The following SH3PXD2A variants were observed in gnomAD, a reference collection of about 807,000 sequenced individuals.
SH3PXD2A encodes the protein SH3 and PX domains 2A.
Under a neutral mutation model 115.2 loss-of-function variants are expected in SH3PXD2A, and 32 were observed. The ratio of observed to expected loss-of-function variants is 0.28; its 90% confidence interval spans 0.21 to 0.37. SH3PXD2A has a LOEUF of 0.37. Ranked by LOEUF, SH3PXD2A falls within the 10% of genes least tolerant of loss-of-function variation. The pLI is 1.00. For synonymous variants in SH3PXD2A, 610 were observed against 629.1 expected (o/e 0.97, Z 0.45); for missense variants, 1,328 against 1,498.7 (o/e 0.89, Z 1.88).
chr10:103,689,462 C>T (rs1322199294), intron 6 of SH3PXD2A, among the ~76,000 whole-genome samples: 5 of 152,082 alleles, frequency 3.3e-5, no homozygotes, highest in African/African-American at 9.7e-5. Flanking sequence ...GTCAGGAGTT[C>T]GAGACCAGCC....
chr10:103,619,222 C>A (rs903790878), intron 10 of SH3PXD2A, among the ~76,000 whole-genome samples: 4 of 152,196 alleles, frequency 2.6e-5, no homozygotes, highest in Non-Finnish European at 4.4e-5. Flanking sequence ...CAGATTCTGA[C>A]TCGGCCCTTT....
In SH3PXD2A at chr10:103,611,433, C is replaced by A. The variant is rs144463674; in HGVS notation, c.1308+148G>T. 5.8e-5 allele frequency: 44 copies of A among 752,626 alleles called. No individual in the cohort carries two copies. In the Middle Eastern group the frequency reaches 1.9e-3, roughly 32 times the overall value. 46.6% of individuals were successfully genotyped at this position (752,626 alleles called of 1,614,324 possible). On this transcript the variant is annotated intron_variant, in intron 13 of 14. Transcript: ENST00000369774. ...GGGATCTGCAGGCTTCCCTCCCTGC[C>A]CCTAGCCCCACAAAACTAGAAGCCC...
At chr10:103,698,214 G>A (rs1414697988) in intron 5 of SH3PXD2A, among the ~76,000 whole-genome samples, 1 of 152,208 alleles carries the variant, frequency 6.6e-6, no homozygotes, top group Non-Finnish European at 1.5e-5. Flanking sequence ...GGAGAGAGAG[G>A]AAAGGGGGCT....
Position 103,627,965 on chromosome 10 carries a change from TTC to T in SH3PXD2A, c.605-765_605-764del, listed in dbSNP as rs538020161. ...GCCCCCAAAAGTGATTTGGTACTGA[TTC>T]TCTTTTCTGCTCATGGCCCAGTTCT... On this transcript the variant is annotated intron_variant, in intron 8 of 14. Transcript: ENST00000369774. This position sits in a 1 kb window ranked among gnomAD's most constrained non-coding sequence, Gnocchi z 4.4. Among the ~76,000 whole-genome samples, 108 of 152,350 alleles carry T rather than the reference TTC, an allele frequency of 7.1e-4. No homozygotes were observed. Among genetic ancestry groups the T allele is most frequent in the African/African-American group, 2.6e-3 (107 of 41,584 alleles).
intron 1 of SH3PXD2A, among the ~76,000 whole-genome samples, chr10:103,845,008 C>A (rs1191951458): frequency 6.6e-6 from 1 of 152,076 alleles, no homozygotes; most frequent in Admixed American, 6.5e-5. Flanking sequence ...AGATACAGGT[C>A]ATAAAGACCT....
chr10:103,821,679 GC>G (rs1387038274), intron 1 of SH3PXD2A, among the ~76,000 whole-genome samples: 1 of 151,344 alleles, frequency 6.6e-6, no homozygotes. Flanking sequence ...CAGCTCCCCT[GC>G]CCCCCACCAC....
intron 2 of SH3PXD2A, among the ~76,000 whole-genome samples, chr10:103,786,622 A>T (rs563306665): frequency 6.6e-6 from 1 of 152,174 alleles, no homozygotes; most frequent in Non-Finnish European, 1.5e-5. Flanking sequence ...CTATGATTGT[A>T]CCACTGCACT....
chr10:103,771,738 AACACAC>A lies in SH3PXD2A; in HGVS notation c.154-4575_154-4570del, dbSNP rs3068820. Among the ~76,000 whole-genome samples the A allele has an allele frequency of 4.6e-3, 652 of 143,026 alleles. 2 individuals are homozygous for A. The highest frequency in any genetic ancestry group is 0.01 in the African/African-American group (388 of 38,650). 93.8% of individuals were successfully genotyped at this position (143,026 alleles called of 152,430 possible). A position where few individuals can be genotyped will look rare whatever the true frequency, so the allele number is the denominator to read the frequency against. On this transcript the variant is annotated intron_variant, in intron 2 of 14. Transcript: ENST00000369774. ...CAACAGAGCGAGACTCCGTCAAAAC[AACACAC>A]ACACACACACACACACACACACACA...
chr10:103,663,096 C>T (rs73333366), intron 7 of SH3PXD2A, among the ~76,000 whole-genome samples: 2,914 of 152,292 alleles, frequency 0.019, 92 homozygotes, highest in African/African-American at 0.065. Flanking sequence ...TAGGCCACTG[C>T]GACTGGCATA....
chr10:103,771,075 G>C (rs1465716912), intron 2 of SH3PXD2A, among the ~76,000 whole-genome samples: 2 of 152,190 alleles, frequency 1.3e-5, no homozygotes, highest in African/African-American at 2.4e-5. Context: ...TGTCTGAGGA[G>C]AGAGGTGGGC....
intron 1 of SH3PXD2A, among the ~76,000 whole-genome samples, chr10:103,840,658 C>G (rs1376376022): frequency 1.3e-5 from 2 of 152,360 alleles, no homozygotes; most frequent in East Asian, 3.9e-4. Context: ...CTGAACCCGG[C>G]TCTGCCCCTT....
chr10:103,794,477 G>A (rs928563048), intron 2 of SH3PXD2A, among the ~76,000 whole-genome samples: 3 of 152,314 alleles, frequency 2.0e-5, no homozygotes, highest in Admixed American at 6.5e-5. Context: ...ACCGTCCATG[G>A]AGCCAGGGCT....
At chr10:103,727,342 G>C (rs2038253238) in intron 4 of SH3PXD2A, among the ~76,000 whole-genome samples, 1 of 152,104 alleles carries the variant, frequency 6.6e-6, no homozygotes, top group Non-Finnish European at 1.5e-5. Flanking sequence ...AGAAGGAAAA[G>C]GAAATGAAAA....
chr10:103,702,404 A>T (rs2037925520), intron 5 of SH3PXD2A, among the ~76,000 whole-genome samples: 1 of 152,220 alleles, frequency 6.6e-6, no homozygotes, highest in Admixed American at 6.5e-5. Flanking sequence ...ACTGTATAGA[A>T]ATTTCCAGGA....
chr10:103,676,636 G>T (rs1301969417), intron 6 of SH3PXD2A, among the ~76,000 whole-genome samples: 3 of 152,120 alleles, frequency 2.0e-5, no homozygotes, highest in Non-Finnish European at 2.9e-5. Context: ...GTTAGTGAGA[G>T]GTGCCGTGGG....
chr10:103,668,086 C>T lies in SH3PXD2A; in HGVS notation c.472+522G>A, dbSNP rs377112508. The stretch of plus-strand genomic sequence containing the variant: ...ACCCCCTGCCCCAAATCTGCAGCTC[C>T]CCAGTGAGATCACTGGAAATGAGGG... On this transcript the variant is annotated intron_variant, in intron 7 of 14. Transcript: ENST00000369774. Among the ~76,000 whole-genome samples the T allele has an allele frequency of 6.6e-5, 10 of 152,356 alleles. No individual in the cohort carries two copies. In the East Asian group the frequency reaches 1.4e-3, roughly 21 times the overall value.
At chr10:103,852,417 C>A (rs549449048) in intron 1 of SH3PXD2A, among the ~76,000 whole-genome samples, 13 of 152,344 alleles carry the variant, frequency 8.5e-5, no homozygotes, top group Admixed American at 7.2e-4. Flanking sequence ...CCTGCGTGGG[C>A]CCCAGGCCTC....
At chr10:103,848,110 T>C (rs1842865088) in intron 1 of SH3PXD2A, among the ~76,000 whole-genome samples, 1 of 151,660 alleles carries the variant, frequency 6.6e-6, no homozygotes, top group South Asian at 2.1e-4. Flanking sequence ...ACTGGGGGAG[T>C]GTGGATGGAA....
rs2036137803 is a variant in SH3PXD2A at position 103,596,660 on chromosome 10, C to T, written c.*5156G>A. The T allele has an allele frequency of 1.4e-5, 1 of 69,880 alleles. No individual in the cohort carries two copies. Among genetic ancestry groups the T allele is most frequent in the South Asian group, 9.7e-4 (1 of 1,036 alleles). 4.3% of individuals were successfully genotyped at this position (69,880 alleles called of 1,614,324 possible). On this transcript the variant is annotated 3_prime_UTR_variant, in exon 15 of 15. Transcript: ENST00000369774. ...ACACACACACACACACACACACACA[C>T]ACACTCTCTCTCTCTCTCTCTCTCT...
Sources: gnomAD v4.1 joint callset for allele counts (sites outside exome capture counted in the v4.1 genomes callset) on GRCh38, gnomAD v4.1.1 for gene constraint, Gnocchi (gnomAD v3.1) non-coding constraint, MANE v1.5 for transcripts, NCBI Gene and HGNC (gene_info 2026-07-23, HGNC 2026-07-21) for gene names.